The following GALNT2 variants were observed in gnomAD, a reference collection of about 807,000 sequenced individuals.
GALNT2 encodes polypeptide N-acetylgalactosaminyltransferase 2, also known as UDP-GalNAc:polypeptide N-acetylgalactosaminyltransferase 2.
GALNT2 carries 31 observed loss-of-function variants against 81.4 expected under a neutral mutation model. The ratio of observed to expected loss-of-function variants is 0.38; its 90% confidence interval spans 0.29 to 0.51. The LOEUF is 0.51. Ranked by LOEUF, GALNT2 falls within the 20% of genes least tolerant of loss-of-function variation. The probability of loss-of-function intolerance (pLI) is 0.87; values close to 1 mark genes in which losing one functional copy is unlikely to be tolerated. For missense variants in GALNT2, 629 were observed against 765.7 expected (o/e 0.82, Z 2.11); for synonymous variants, 303 against 287.4 (o/e 1.05, Z -0.55).
Position 230,281,743 on chromosome 1 carries a change from T to A in GALNT2, c.*2285T>A, listed in dbSNP as rs985669917. 6.6e-5 allele frequency: 10 copies of A among 152,084 alleles called. No individual in the cohort carries two copies. The highest frequency in any genetic ancestry group is 2.4e-4 in the African/African-American group (10 of 41,238). The allele number at this position is 152,084 out of a possible 1,614,324, so 9.4% of individuals were successfully genotyped here. A position where few individuals can be genotyped will look rare whatever the true frequency, so the allele number is the denominator to read the frequency against. ...AGAGCAGGGGTGGGCCGGGGAGGGG[T>A]CCTTTGCGGTGAGCTATGTTTACAT... is the stretch of plus-strand genomic sequence containing the variant. On this transcript the variant is annotated 3_prime_UTR_variant, in exon 16 of 16. Coordinates refer to ENST00000366672, the MANE Select transcript of GALNT2 (RefSeq NM_004481.5).
Position 230,262,818 on chromosome 1 carries a change from C to T in GALNT2, c.1230-104C>T, listed in dbSNP as rs970137925. 7.5e-6 allele frequency: 10 copies of T among 1,329,302 alleles called. No homozygotes were observed. In the African/African-American group the frequency reaches 1.3e-4, roughly 17 times the overall value. 82.3% of individuals were successfully genotyped at this position (1,329,302 alleles called of 1,614,324 possible). On this transcript the variant is annotated intron_variant, in intron 12 of 15. Coordinates refer to ENST00000366672, the MANE Select transcript of GALNT2 (RefSeq NM_004481.5). ...AGGAGCATGGGCAGTCCACACCACA[C>T]CACCTGCCCCAACCCTGTTCTCCTC...
rs181618528 is a variant in GALNT2 at position 230,243,809 on chromosome 1, C to T, written c.729+382C>T. Reference sequence around the variant, plus strand: ...CTAGCAAGTGCCATCTCTTGCAGCTCGCAGAGCGGGGCGTGCTGGGGAAGC... The same window carrying T: ...CTAGCAAGTGCCATCTCTTGCAGCTTGCAGAGCGGGGCGTGCTGGGGAAGC... On this transcript the variant is annotated intron_variant, in intron 7 of 15. Transcript: ENST00000366672. This position sits in a 1 kb window ranked among gnomAD's most constrained non-coding sequence, Gnocchi z 4.2. Among the ~76,000 whole-genome samples, 31 of 152,254 alleles carry T rather than the reference C, an allele frequency of 2.0e-4. No homozygotes were observed. Among genetic ancestry groups the T allele is most frequent in the Non-Finnish European group, 4.0e-4 (27 of 68,028 alleles).
At chr1:230,236,992 G>A (rs1446927541) in intron 6 of GALNT2, among the ~76,000 whole-genome samples, 1 of 152,122 alleles carries the variant, frequency 6.6e-6, no homozygotes, top group Non-Finnish European at 1.5e-5. Flanking sequence ...TCACAACCTA[G>A]GAAGTCTTAT....
chr1:230,249,241 C>T lies in GALNT2; in HGVS notation c.875C>T (p.Ser292Phe), dbSNP rs769587065. 2 of 1,614,120 alleles carry T rather than the reference C, an allele frequency of 1.2e-6. No homozygotes were observed. Among genetic ancestry groups the T allele is most frequent in the South Asian group, 2.2e-5 (2 of 91,078 alleles). The stretch of plus-strand genomic sequence containing the variant: ...TACATGACGCCTGAGCAGAGAAGGT[C>T]CCGGCAGGGGAACCCAGTCGCCCCT... ...WDYMTPEQRR[S>F]RQGNPVAPIK... The change falls in exon 9 of 16, where the codon TCC (serine) becomes TTC (phenylalanine). Residue 292 changes from serine to phenylalanine, a missense_variant. By Grantham distance (155) the Ser-to-Phe change is radical. Coordinates refer to ENST00000366672, the MANE Select transcript of GALNT2 (RefSeq NM_004481.5).
chr1:230,269,542 T>C (rs971914866), intron 14 of GALNT2, among the ~76,000 whole-genome samples: 2 of 151,982 alleles, frequency 1.3e-5, no homozygotes, highest in African/African-American at 4.8e-5. Context: ...GAGAGCCTGA[T>C]CTAATTTGTC....
intron 8 of GALNT2, 151 bp downstream of exon 8, chr1:230,246,301 T>A: frequency 3.1e-6 from 2 of 642,374 alleles, no homozygotes; most frequent in South Asian, 3.9e-5. Context: ...GCTTAACGAG[T>A]AGGACTTCAT....
At chr1:230,125,590 AC>A (rs1356472573) in intron 1 of GALNT2, among the ~76,000 whole-genome samples, 2 of 152,232 alleles carry the variant, frequency 1.3e-5, no homozygotes, top group East Asian at 3.9e-4. Flanking sequence ...CTGAAGTTGT[AC>A]AAAGGGATAG....
chr1:230,227,534 T>C (rs1294604395), intron 3 of GALNT2, among the ~76,000 whole-genome samples: 20 of 128,250 alleles, frequency 1.6e-4, no homozygotes, highest in African/African-American at 7.3e-4. Flanking sequence ...ATAATACAGC[T>C]ATATATATAT....
In GALNT2 at chr1:230,095,790, C is replaced by T. The variant is rs112308512; in HGVS notation, c.126+28384C>T. Among the ~76,000 whole-genome samples the T allele has an allele frequency of 3.4e-3, 512 of 152,292 alleles. 5 individuals carry two copies. The highest frequency in any genetic ancestry group is 0.012 in the African/African-American group (484 of 41,556). On this transcript the variant is annotated intron_variant, in intron 1 of 15. Coordinates refer to ENST00000366672, the MANE Select transcript of GALNT2 (RefSeq NM_004481.5). ...AGCCCCACCTGGGTCCCCTGGGGCC[C>T]AACTGCCATGCTAGAAGACGTCCAG...
chr1:230,075,031 T>C (rs1659492580), intron 1 of GALNT2, among the ~76,000 whole-genome samples: 1 of 151,480 alleles, frequency 6.6e-6, no homozygotes, highest in Non-Finnish European at 1.5e-5. Flanking sequence ...AGTGCCCTCA[T>C]ACTGCGGCCT....
chr1:230,092,191 T>TTTTGTTTTTGTTTTTG (rs1558280334), intron 1 of GALNT2, among the ~76,000 whole-genome samples: 2 of 149,406 alleles, frequency 1.3e-5, no homozygotes, highest in African/African-American at 4.9e-5. Context: ...TTTTTTTTTT[T>TTTTGTTTTTGTTTTTG]TTTTTGCACT....
At chr1:230,166,203 A>G (rs1017585923) in intron 1 of GALNT2, among the ~76,000 whole-genome samples, 4 of 152,274 alleles carry the variant, frequency 2.6e-5, no homozygotes, top group Non-Finnish European at 5.9e-5. Flanking sequence ...CACACAGCTA[A>G]TAGCTGCTGA....
At chr1:230,091,843 C>A (rs1004923753) in intron 1 of GALNT2, 1 of 152,442 alleles carries the variant, frequency 6.6e-6, no homozygotes, top group Non-Finnish European at 1.5e-5. Flanking sequence ...CCAAGGAAGT[C>A]TCTACCTCAG....
At chr1:230,229,980 CAT>C (rs1664822323) in intron 3 of GALNT2, among the ~76,000 whole-genome samples, 1 of 152,112 alleles carries the variant, frequency 6.6e-6, no homozygotes, top group Non-Finnish European at 1.5e-5. Context: ...GTCATCCTGT[CAT>C]GTGTCATTTT....
chr1:230,267,950 G>A (rs999799703), intron 14 of GALNT2, among the ~76,000 whole-genome samples: 1 of 152,234 alleles, frequency 6.6e-6, no homozygotes, highest in Non-Finnish European at 1.5e-5. Flanking sequence ...TCCCGCTGTG[G>A]TCCAGGTGTG....
chr1:230,066,762 C>T (rs1362788188), upstream of GALNT2, among the ~76,000 whole-genome samples: 1 of 152,216 alleles, frequency 6.6e-6, no homozygotes, highest in Non-Finnish European at 1.5e-5. Context: ...GCCACTACCG[C>T]CCCCGTAATC....
At chr1:230,238,658 T>C (rs115201967) in intron 6 of GALNT2, among the ~76,000 whole-genome samples, 175 of 152,344 alleles carry the variant, frequency 1.1e-3, no homozygotes, top group African/African-American at 4.0e-3. Flanking sequence ...TCTGTTAATA[T>C]GGTGAAATAC....
At chr1:230,252,359 C>T (rs3789632) in intron 10 of GALNT2, among the ~76,000 whole-genome samples, 16,798 of 152,126 alleles carry the variant, frequency 0.11, 1,910 homozygotes, top group East Asian at 0.59. Context: ...CATGTAAGTC[C>T]TTATGTCATT....
intron 2 of GALNT2, among the ~76,000 whole-genome samples, chr1:230,185,746 A>G (rs12038714): frequency 0.18 from 26,980 of 152,150 alleles, 2,696 homozygotes; most frequent in South Asian, 0.34. Flanking sequence ...TATTTCTTCA[A>G]TATTCACTGT....
Sources: allele counts gnomAD v4.1 joint callset (sites outside exome capture counted in the v4.1 genomes callset), GRCh38; gene constraint gnomAD v4.1.1; non-coding constraint Gnocchi (gnomAD v3.1); transcripts MANE v1.5; gene names NCBI Gene and HGNC (gene_info 2026-07-23, HGNC 2026-07-21).